The following SDC2 variants were observed in gnomAD, a reference collection of about 807,000 sequenced individuals.
The protein encoded by SDC2 is syndecan-2.
Under a neutral mutation model 22.2 loss-of-function variants are expected in SDC2, and 13 were observed. The observed-to-expected ratio is 0.59, with a 90% CI of 0.38 to 0.93. The LOEUF (loss-of-function observed/expected upper bound fraction) is 0.93, where lower values mean the gene tolerates loss of function less well. Ranked by LOEUF, SDC2 falls within the 40% of genes least tolerant of loss-of-function variation. The pLI is 0.00. For synonymous variants in SDC2, 94 were observed against 92.8 expected, an observed-to-expected ratio of 1.01 and a Z score of -0.07; for missense variants, 235 against 246.8, an observed-to-expected ratio of 0.95 and a Z score of 0.32.
chr8:96,601,329 C>T (rs2437778), intron 2 of SDC2, among the ~76,000 whole-genome samples: 140,406 of 152,048 alleles, frequency 0.92, 65,144 homozygotes, highest in Non-Finnish European at 0.97. Flanking sequence ...TCCACCCCCA[C>T]TGGAAAAATC....
At chr8:96,503,156 G>A (rs1228606131) in intron 1 of SDC2, among the ~76,000 whole-genome samples, 1 of 152,180 alleles carries the variant, frequency 6.6e-6, no homozygotes, top group Non-Finnish European at 1.5e-5. Context: ...ACAAATCCGT[G>A]TTAAGATGTG....
chr8:96,596,760 C>T (rs187214544), intron 2 of SDC2, among the ~76,000 whole-genome samples: 1 of 152,270 alleles, frequency 6.6e-6, no homozygotes, highest in East Asian at 1.9e-4. Flanking sequence ...GGCATGAACT[C>T]ATAAGGACAA....
chr8:96,573,179 G>A (rs894608371), intron 1 of SDC2, among the ~76,000 whole-genome samples: 1 of 151,922 alleles, frequency 6.6e-6, no homozygotes, highest in African/African-American at 2.4e-5. Flanking sequence ...TAATCTTCAT[G>A]TGAAATTTGG....
chr8:96,520,353 T>G (rs987977228), intron 1 of SDC2, among the ~76,000 whole-genome samples: 2 of 152,204 alleles, frequency 1.3e-5, no homozygotes, highest in African/African-American at 4.8e-5. Context: ...TAGCGTGAGA[T>G]CTATACATTT....
chr8:96,561,063 C>T (rs1452141890), intron 1 of SDC2, among the ~76,000 whole-genome samples: 1 of 152,126 alleles, frequency 6.6e-6, no homozygotes, highest in Non-Finnish European at 1.5e-5. Flanking sequence ...GAGATGGCAC[C>T]ACTGCACTCC....
intron 1 of SDC2, among the ~76,000 whole-genome samples, chr8:96,588,372 T>C (rs1162978540): frequency 7.2e-5 from 11 of 152,226 alleles, no homozygotes; most frequent in Non-Finnish European, 1.5e-4. Flanking sequence ...AGTGACTGTG[T>C]GGGTGACATA....
At chr8:96,521,465 A>G (rs989032850) in intron 1 of SDC2, among the ~76,000 whole-genome samples, 4 of 152,158 alleles carry the variant, frequency 2.6e-5, no homozygotes, top group African/African-American at 9.7e-5. Context: ...CTTTTGTTCA[A>G]CCATGGCGAT....
chr8:96,601,108 G>A (rs1814974196), intron 2 of SDC2, among the ~76,000 whole-genome samples: 1 of 152,118 alleles, frequency 6.6e-6, no homozygotes, highest in African/African-American at 2.4e-5. Context: ...CAAAGAAATA[G>A]GGTTTGTCCG....
intron 1 of SDC2, among the ~76,000 whole-genome samples, chr8:96,554,784 A>G (rs1814082881): frequency 6.6e-6 from 1 of 152,180 alleles, no homozygotes; most frequent in Non-Finnish European, 1.5e-5. Context: ...TAAGACAGGT[A>G]ACTGACTAGG....
chr8:96,549,030 C>T (rs886792712), intron 1 of SDC2, among the ~76,000 whole-genome samples: 1 of 152,094 alleles, frequency 6.6e-6, no homozygotes, highest in African/African-American at 2.4e-5. Flanking sequence ...CCACTGTGCC[C>T]CAGTAAATTG....
intron 1 of SDC2, among the ~76,000 whole-genome samples, chr8:96,538,515 G>A (rs914628787): frequency 3.1e-5 from 3 of 97,268 alleles, no homozygotes; most frequent in African/African-American, 8.6e-5. Flanking sequence ...GCATATAGAG[G>A]TATTTTTTTT....
intron 2 of SDC2, among the ~76,000 whole-genome samples, chr8:96,595,635 G>C (rs749677593): frequency 1.3e-5 from 2 of 152,170 alleles, no homozygotes; most frequent in East Asian, 3.9e-4. Flanking sequence ...TTAGTGGGGT[G>C]TACAGGTTGG....
Position 96,502,747 on chromosome 8 carries a change from G to A in SDC2, c.60+8416G>A, listed in dbSNP as rs189349219. Among the ~76,000 whole-genome samples, 271 of 152,168 alleles carry A rather than the reference G, an allele frequency of 1.8e-3. 1 individual carries two copies. Among genetic ancestry groups the A allele is most frequent in the African/African-American group, 6.3e-3 (263 of 41,512 alleles). ...CTTGGGCAAGTTTTTTAACCTTCTG[G>A]GCTCAGTTTTCTCATCTGTAAAACT... On this transcript the variant is annotated intron_variant, in intron 1 of 4. Coordinates refer to ENST00000302190, the MANE Select transcript of SDC2 (RefSeq NM_002998.4).
intron 1 of SDC2, among the ~76,000 whole-genome samples, chr8:96,531,409 CT>C (rs993989187): frequency 6.6e-6 from 1 of 152,078 alleles, no homozygotes; most frequent in African/African-American, 2.4e-5. Context: ...AGATATATCT[CT>C]TTTGGACAAC....
At chr8:96,547,340 C>T (rs955481731) in intron 1 of SDC2, among the ~76,000 whole-genome samples, 1 of 152,180 alleles carries the variant, frequency 6.6e-6, no homozygotes, top group African/African-American at 2.4e-5. Flanking sequence ...TCTACAGCTC[C>T]ACTTACAGTG....
intron 1 of SDC2, among the ~76,000 whole-genome samples, chr8:96,548,781 G>A (rs1813976867): frequency 6.6e-6 from 1 of 152,184 alleles, no homozygotes; most frequent in Non-Finnish European, 1.5e-5. Context: ...TTAACATTGA[G>A]CGTCTGCTTT....
chr8:96,536,883 A>T (rs1370372698), intron 1 of SDC2, among the ~76,000 whole-genome samples: 3 of 152,206 alleles, frequency 2.0e-5, no homozygotes, highest in Non-Finnish European at 4.4e-5. Context: ...AATACTGGAT[A>T]ACTGGCAGGT....
chr8:96,538,636 G>A (rs767137010), intron 1 of SDC2: 2 of 152,236 alleles, frequency 1.3e-5, no homozygotes, highest in Non-Finnish European at 2.9e-5. Context: ...ATTGCTAAAA[G>A]TTGAAGGAGG....
intron 1 of SDC2, among the ~76,000 whole-genome samples, chr8:96,586,783 G>A (rs989839525): frequency 4.6e-5 from 7 of 152,254 alleles, no homozygotes; most frequent in East Asian, 3.9e-4. Context: ...TTCCTAATAC[G>A]CATGAGTAAA....
Sources: gnomAD v4.1 joint callset for allele counts (sites outside exome capture counted in the v4.1 genomes callset) on GRCh38, gnomAD v4.1.1 for gene constraint, MANE v1.5 for transcripts, NCBI Gene and HGNC (gene_info 2026-07-23, HGNC 2026-07-21) for gene names.